PFKFB2: variants seen among roughly 807,000 people sequenced by gnomAD.
The protein encoded by PFKFB2 is 6-phosphofructo-2-kinase/fructose-2,6-biphosphatase 2, also known as 6-phosphofructo-2-kinase/fructose-2,6-bisphosphatase 2.
In PFKFB2, 53 loss-of-function variants were observed where a neutral mutation model predicts 68.0. That is an observed-to-expected ratio of 0.78 (90% CI 0.63 to 0.98). The LOEUF is 0.98. PFKFB2 is among the 50% of genes least tolerant of loss of function. PFKFB2 has a pLI of 0.00. For synonymous variants in PFKFB2, 222 were observed against 227.6 expected, an observed-to-expected ratio of 0.98 and a Z score of 0.22; for missense variants, 451 against 642.0, an observed-to-expected ratio of 0.70 and a Z score of 3.22.
Position 207,061,954 on chromosome 1 carries a change from A to G in PFKFB2, c.87A>G (p.Ser29=). The G allele has an allele frequency of 6.2e-7, 1 of 1,613,858 alleles. No homozygotes were observed. The highest frequency in any genetic ancestry group is 2.2e-5 in the East Asian group (1 of 44,882). Residue 29 remains serine, a splice_region_variant and synonymous_variant, in exon 3 of 15, where the codon TCA becomes TCG. Coordinates refer to ENST00000367080, the MANE Select transcript of PFKFB2 (RefSeq NM_006212.2). ...TTATTTTGTTTCATTTCCTTCTAGC[A>G]TGGGCCTCCTACATGACCAACTCCC... ...PNLRMSEKKC[S]WASYMTNSPT...
chr1:207,049,206 G>A (rs762873657), upstream of PFKFB2: 1 of 1,614,092 alleles, frequency 6.2e-7, no homozygotes, highest in South Asian at 1.1e-5. Context: ...CATCATTAGA[G>A]GAGAAAATGG....
In PFKFB2 at chr1:207,071,234, T is replaced by G. The variant is rs765089594; in HGVS notation, c.1269T>G (p.Leu423=). ...GCCCTCTCCATACCATCTTCAAACTTACTCCTGTGGCCTATGGTAACTATG... is the reference window on the plus strand; with the variant it reads ...GCCCTCTCCATACCATCTTCAAACTGACTCCTGTGGCCTATGGTAACTATG... The part of the protein sequence containing the change: ...LRCPLHTIFK[L]TPVAYGCKVE... The change falls in exon 13 of 15, where the codon CTT becomes CTG. Residue 423 remains leucine (L), a synonymous_variant. Transcript: ENST00000367080. The G allele has an allele frequency of 9.9e-6, 16 of 1,613,472 alleles. No individual in the cohort carries two copies. In the East Asian group the frequency reaches 3.6e-4, roughly 36 times the overall value.
At position 207,076,252 on chromosome 1, in the gene PFKFB2, C is replaced by CTT. The variant is rs568062478; in HGVS notation, c.*3896_*3897dup. ...AATTCATCTATGTTACTTTTTTTTT[C>CTT]TTTTTTTTTTTTTTTTATGAGCAGG... On this transcript the variant is annotated 3_prime_UTR_variant, in exon 15 of 15. Coordinates refer to ENST00000367080, the MANE Select transcript of PFKFB2 (RefSeq NM_006212.2). 844 of 868,406 alleles carry CTT rather than the reference C, an allele frequency of 9.7e-4. No individual in the cohort carries two copies. The highest frequency in any genetic ancestry group is 1.0e-3 in the Non-Finnish European group (755 of 736,560). 53.8% of individuals were successfully genotyped at this position (868,406 alleles called of 1,614,324 possible).
chr1:207,036,393 C>T (rs907405308), intron 1 of PFKFB2, among the ~76,000 whole-genome samples: 8 of 152,234 alleles, frequency 5.3e-5, no homozygotes, highest in South Asian at 4.2e-4. Flanking sequence ...TTATGTTGAT[C>T]GCATAACAGG....
Position 207,068,051 on chromosome 1 carries a change from T to G in PFKFB2, c.841-112T>G, listed in dbSNP as rs1683347367. The G allele has an allele frequency of 7.5e-6, 7 of 933,154 alleles. No individual in the cohort carries two copies. The Admixed American group carries it at 9.5e-5, about 13-fold the overall frequency. The allele number at this position is 933,154 out of a possible 1,614,324, so 57.8% of individuals were successfully genotyped here. On this transcript the variant is annotated intron_variant, in intron 9 of 14. Transcript: ENST00000367080. ...ATTTTGACCATGGTTATGCACGTTG[T>G]CCCTTACAGACCAAGTTAGCAGGCT...
chr1:207,052,173 G>A, upstream of PFKFB2: 1 of 1,612,052 alleles, frequency 6.2e-7, no homozygotes, highest in Non-Finnish European at 8.5e-7. Flanking sequence ...AGTTCACTTG[G>A]TGCAAACTCA....
At chr1:207,036,604 C>T (rs1682381915) in intron 1 of PFKFB2, among the ~76,000 whole-genome samples, 1 of 152,196 alleles carries the variant, frequency 6.6e-6, no homozygotes. Context: ...TTCAGTATGA[C>T]AACAGTAGTC....
Position 207,073,218 on chromosome 1 carries a change from A to G in PFKFB2, c.*847A>G. The G allele has an allele frequency of 1.0e-6, 1 of 985,484 alleles. No individual in the cohort carries two copies. Among genetic ancestry groups the G allele is most frequent in the Non-Finnish European group, 1.2e-6 (1 of 830,018 alleles). 61.0% of individuals were successfully genotyped at this position (985,484 alleles called of 1,614,324 possible). Reference sequence around the variant, plus strand: ...GTCTTGGTTTTTATTTTTAATTTAGAGTCAGGCCTGGGTCTTTTGAGGTCT... The same window carrying G: ...GTCTTGGTTTTTATTTTTAATTTAGGGTCAGGCCTGGGTCTTTTGAGGTCT... On this transcript the variant is annotated 3_prime_UTR_variant, in exon 15 of 15. Transcript: ENST00000367080.
chr1:207,051,166 G>A (rs906269741), upstream of PFKFB2: 4 of 1,412,052 alleles, frequency 2.8e-6, no homozygotes, highest in African/African-American at 1.5e-5. Context: ...GTAAACCTCC[G>A]TATTCCTAAA....
intron 2 of PFKFB2, chr1:207,048,069 C>A (rs1295921838): frequency 6.6e-6 from 1 of 152,432 alleles, no homozygotes; most frequent in Admixed American, 6.6e-5. Context: ...TAAATTCCCC[C>A]CGATAAACTT....
chr1:207,050,873 G>A (rs1401607197), upstream of PFKFB2: 9 of 1,609,954 alleles, frequency 5.6e-6, no homozygotes, highest in Non-Finnish European at 7.6e-6. Flanking sequence ...GCCGTCCTTG[G>A]CCTTGCAGCG....
At chr1:207,057,767 CTTTTTTAT>C (rs1682974207) in intron 2 of PFKFB2, among the ~76,000 whole-genome samples, 1 of 152,092 alleles carries the variant, frequency 6.6e-6, no homozygotes, top group South Asian at 2.1e-4. Context: ...CTGCCATTTC[CTTTTTTAT>C]TTTTTTAAAT....
Position 207,068,330 on chromosome 1 carries a change from G to T in PFKFB2, c.987+21G>T, listed in dbSNP as rs149028478. ...ATGCTGTGAGTAGGAAGCTCTGAAG[G>T]CCCAGAAAAGCCAACAAGAGTTCAG... is the stretch of plus-strand genomic sequence containing the variant. On this transcript the variant is annotated intron_variant, in intron 10 of 14. Transcript: ENST00000367080. The T allele has an allele frequency of 4.5e-4, 691 of 1,523,734 alleles. 2 individuals carry two copies. The Admixed American group carries it at 5.4e-3, about 12-fold the overall frequency. The allele number at this position is 1,523,734 out of a possible 1,614,324, so 94.4% of individuals were successfully genotyped here.
chr1:207,055,233 G>C (rs533720331), intron 2 of PFKFB2, among the ~76,000 whole-genome samples: 4 of 152,314 alleles, frequency 2.6e-5, no homozygotes, highest in South Asian at 4.1e-4. Context: ...ATGGGAGCCA[G>C]TGCTGCTTGG....
At chr1:207,040,648 C>G (rs560414356) in intron 1 of PFKFB2, among the ~76,000 whole-genome samples, 1 of 152,212 alleles carries the variant, frequency 6.6e-6, no homozygotes, top group South Asian at 2.1e-4. Flanking sequence ...AAAATAGAGA[C>G]AAAGACAATC....
intron 1 of PFKFB2, among the ~76,000 whole-genome samples, chr1:207,040,729 T>TA (rs1312573122): frequency 6.6e-6 from 1 of 152,100 alleles, no homozygotes; most frequent in Non-Finnish European, 1.5e-5. Context: ...CATTCAGGCT[T>TA]AAAGATATAA....
chr1:207,046,780 A>G (rs1682608642), intron 2 of PFKFB2: 1 of 152,146 alleles, frequency 6.6e-6, no homozygotes, highest in Admixed American at 6.5e-5. Context: ...CCCACTGTAG[A>G]AAATATATAC....
At chr1:207,071,471 CT>C in intron 13 of PFKFB2, 37 bp from the exon 14 acceptor site, 6 of 1,560,470 alleles carry the variant, frequency 3.8e-6, no homozygotes, top group Non-Finnish European at 5.3e-6. Context: ...TCCATTGAAC[CT>C]TTTTCTTTAA....
upstream of PFKFB2, chr1:207,048,745 T>A (rs1682659184): frequency 2.5e-6 from 1 of 392,480 alleles, no homozygotes; most frequent in Non-Finnish European, 4.6e-6. Flanking sequence ...AATCTCAACC[T>A]TCAGGTCAGT....
Sources: gnomAD v4.1 joint callset for allele counts (sites outside exome capture counted in the v4.1 genomes callset) on GRCh38, gnomAD v4.1.1 for gene constraint, MANE v1.5 for transcripts, NCBI Gene and HGNC (gene_info 2026-07-23, HGNC 2026-07-21) for gene names.